The following SLC25A13 variants were observed in gnomAD, a reference collection of about 807,000 sequenced individuals.
The protein encoded by SLC25A13 is electrogenic aspartate/glutamate antiporter SLC25A13, mitochondrial.
In SLC25A13, 70 loss-of-function variants were observed where a neutral mutation model predicts 85.5. That is an observed-to-expected ratio of 0.82 (90% CI 0.68 to 1.00). SLC25A13 has a LOEUF of 1.00. Among genes scored for constraint, SLC25A13 ranks in the 50% least tolerant of loss-of-function variants. The probability of loss-of-function intolerance (pLI) is 0.00; values close to 1 mark genes in which losing one functional copy is unlikely to be tolerated. For missense variants in SLC25A13, 765 were observed against 819.8 expected (o/e 0.93, Z 0.82); for synonymous variants, 259 against 288.7 (o/e 0.90, Z 1.04).
chr7:96,233,885 G>C (rs1366002104), intron 4 of SLC25A13, among the ~76,000 whole-genome samples: 1 of 152,206 alleles, frequency 6.6e-6, no homozygotes, highest in African/African-American at 2.4e-5. Context: ...CCAAGCACAA[G>C]ACAGGCAGAA....
intron 8 of SLC25A13, 86 bp downstream of exon 8, chr7:96,189,495 G>C: frequency 1.3e-6 from 2 of 1,527,720 alleles, no homozygotes; most frequent in South Asian, 2.2e-5. Flanking sequence ...CTTCAGTTTG[G>C]CTTCTTTTTC....
In SLC25A13 at chr7:96,252,245, CAG is replaced by C. The variant is rs1286126127; in HGVS notation, c.213-17330_213-17329del. ...ACTGTCACCTTTCCAAGAAATTGGG[CAG>C]AGGGAGTACTGACGATACATATACT... On this transcript the variant is annotated intron_variant, in intron 3 of 17. Coordinates refer to ENST00000265631, the MANE Select transcript of SLC25A13 (RefSeq NM_014251.3). Among the ~76,000 whole-genome samples the C allele has an allele frequency of 2.4e-4, 36 of 152,160 alleles. No individual in the cohort carries two copies. In the East Asian group the frequency reaches 5.0e-3, roughly 21 times the overall value.
rs765424417 is a variant in SLC25A13, at chr7:96,277,345, A to T, written c.70-7T>A. Reference sequence around the variant, plus strand: ...TTTTCTCAATGCTTGCATACTGTTTAAAAAAAAGAAAAACAGTATTTTATA... The same window carrying T: ...TTTTCTCAATGCTTGCATACTGTTTTAAAAAAAGAAAAACAGTATTTTATA... On this transcript the variant is annotated splice_region_variant and splice_polypyrimidine_tract_variant and intron_variant, in intron 2 of 17. Transcript: ENST00000265631. The T allele has an allele frequency of 8.1e-6, 13 of 1,603,946 alleles. No individual in the cohort carries two copies. Among genetic ancestry groups the T allele is most frequent in the African/African-American group, 2.7e-5 (2 of 74,458 alleles).
At chr7:96,304,058 G>A (rs1799650442) in intron 1 of SLC25A13, among the ~76,000 whole-genome samples, 1 of 152,060 alleles carries the variant, frequency 6.6e-6, no homozygotes, top group Admixed American at 6.6e-5. Context: ...AACTTGAGAA[G>A]AAGAAAAAGG....
rs184585140 is a variant in SLC25A13, at chr7:96,172,782, G to C, written c.1178-1258C>G. ...GCCAGTTTGTATTTTTTTTTTTGAC[G>C]GAGTCTCACTCTGTCGCCCAGGCTA... On this transcript the variant is annotated intron_variant, in intron 11 of 17. Transcript: ENST00000265631. Among the ~76,000 whole-genome samples, 5 of 151,408 alleles carry C rather than the reference G, an allele frequency of 3.3e-5. No homozygotes were observed. The East Asian group carries it at 7.8e-4, about 24-fold the overall frequency.
chr7:96,264,873 A>T (rs1035056926), intron 3 of SLC25A13, among the ~76,000 whole-genome samples: 1 of 152,186 alleles, frequency 6.6e-6, no homozygotes, highest in Non-Finnish European at 1.5e-5. Context: ...TCTAAAACAG[A>T]AAATTTAGTG....
At chr7:96,257,621 A>T (rs1199028134) in intron 3 of SLC25A13, among the ~76,000 whole-genome samples, 1 of 152,214 alleles carries the variant, frequency 6.6e-6, no homozygotes, top group Non-Finnish European at 1.5e-5. Flanking sequence ...TTCACAGCCA[A>T]ATTCTACCAG....
In SLC25A13 at chr7:96,120,458, T is replaced by C. The variant is rs538235683; in HGVS notation, c.*733A>G. ...ATTAAAATAGGCAGTAATCAGTACA[T>C]GTACATCATATGAGCAGTTTTTCAA... On this transcript the variant is annotated 3_prime_UTR_variant, in exon 18 of 18. Coordinates refer to ENST00000265631, the MANE Select transcript of SLC25A13 (RefSeq NM_014251.3). 2.2e-6 allele frequency: 1 copy of C among 454,466 alleles called. No individual in the cohort carries two copies. The highest frequency in any genetic ancestry group is 4.4e-6 in the Non-Finnish European group (1 of 226,792). 28.2% of individuals were successfully genotyped at this position (454,466 alleles called of 1,614,324 possible). A position where few individuals can be genotyped will look rare whatever the true frequency, so the allele number is the denominator to read the frequency against.
At chr7:96,146,303 C>T (rs189185679) in intron 14 of SLC25A13, among the ~76,000 whole-genome samples, 137 of 152,138 alleles carry the variant, frequency 9.0e-4, no homozygotes, top group African/African-American at 3.1e-3. Flanking sequence ...AAGAGCTGCA[C>T]TGAACAACTC....
chr7:96,277,168 TA>T, intron 3 of SLC25A13, 27 bp downstream of exon 3: 1 of 1,529,460 alleles, frequency 6.5e-7, no homozygotes, highest in Non-Finnish European at 8.8e-7. Flanking sequence ...CAAAAAGAAT[TA>T]AATAAAATAA....
intron 1 of SLC25A13, among the ~76,000 whole-genome samples, chr7:96,297,221 A>G (rs1404096299): frequency 6.6e-6 from 1 of 152,262 alleles, no homozygotes; most frequent in African/African-American, 2.4e-5. Flanking sequence ...CTTAAAAAGA[A>G]AAGGTGAAAC....
At chr7:96,177,000 C>T (rs56730080) in intron 11 of SLC25A13, among the ~76,000 whole-genome samples, 2,493 of 152,184 alleles carry the variant, frequency 0.016, 60 homozygotes, top group African/African-American at 0.057. Flanking sequence ...TACTTACTAT[C>T]TATTGGTTTA....
intron 2 of SLC25A13, among the ~76,000 whole-genome samples, chr7:96,286,298 A>T (rs1000930485): frequency 6.6e-6 from 1 of 151,686 alleles, no homozygotes; most frequent in Non-Finnish European, 1.5e-5. Context: ...AAAAAAAAAA[A>T]AAAAAATCTG....
intron 1 of SLC25A13, among the ~76,000 whole-genome samples, chr7:96,314,454 G>A (rs953026423): frequency 1.3e-5 from 2 of 152,044 alleles, no homozygotes; most frequent in Non-Finnish European, 2.9e-5. Context: ...TTTGCTAAAG[G>A]AATTGTATCA....
intron 11 of SLC25A13, among the ~76,000 whole-genome samples, chr7:96,182,512 T>C (rs1191670955): frequency 6.6e-6 from 1 of 152,230 alleles, no homozygotes; most frequent in Non-Finnish European, 1.5e-5. Context: ...AGTGAGCCTC[T>C]GTCTGTACCT....
intron 5 of SLC25A13, among the ~76,000 whole-genome samples, chr7:96,200,644 C>T (rs1795220768): frequency 6.6e-6 from 1 of 151,980 alleles, no homozygotes; most frequent in African/African-American, 2.4e-5. Flanking sequence ...TCTTTGGAAG[C>T]AGTGTCACAT....
At chr7:96,299,290 CT>C in intron 1 of SLC25A13, among the ~76,000 whole-genome samples, 1 of 152,326 alleles carries the variant, frequency 6.6e-6, no homozygotes, top group South Asian at 2.1e-4. Context: ...AAAGTGTTCA[CT>C]TTGTAACCTT....
intron 5 of SLC25A13, among the ~76,000 whole-genome samples, chr7:96,194,467 A>AAAAAAAAAAAAAAAAAAAAC (rs1794985582): frequency 7.1e-6 from 1 of 141,528 alleles, no homozygotes; most frequent in African/African-American, 2.7e-5. Flanking sequence ...AAAAAAAAAA[A>AAAAAAAAAAAAAAAAAAAAC]GGAACACCAA....
chr7:96,136,113 C>G (rs1179949802), intron 14 of SLC25A13, among the ~76,000 whole-genome samples: 1 of 152,014 alleles, frequency 6.6e-6, no homozygotes, highest in Non-Finnish European at 1.5e-5. Flanking sequence ...TGGGAAAAAA[C>G]CCTCAGATCT....
Sources: allele counts gnomAD v4.1 joint callset (sites outside exome capture counted in the v4.1 genomes callset), GRCh38; gene constraint gnomAD v4.1.1; transcripts MANE v1.5; gene names NCBI Gene and HGNC (gene_info 2026-07-23, HGNC 2026-07-21).